NALF1: variants seen among roughly 807,000 people sequenced by gnomAD.
The protein encoded by NALF1 is family with sequence similarity 155 member A.
A neutral mutation model predicts 48.4 loss-of-function variants in NALF1; 3 were observed. The observed-to-expected ratio is 0.06, with a 90% CI of 0.03 to 0.16. The LOEUF (loss-of-function observed/expected upper bound fraction) is 0.16. Ranked by LOEUF, NALF1 falls within the 10% of genes least tolerant of loss-of-function variation. The probability of loss-of-function intolerance (pLI) is 1.00; values close to 1 mark genes in which losing one functional copy is unlikely to be tolerated. For synonymous variants in NALF1, 262 were observed against 245.7 expected, an observed-to-expected ratio of 1.07 and a Z score of -0.62; for missense variants, 526 against 571.5, an observed-to-expected ratio of 0.92 and a Z score of 0.81.
chr13:107,666,885 C>T (rs964906334), intron 1 of NALF1, among the ~76,000 whole-genome samples: 16 of 152,078 alleles, frequency 1.1e-4, no homozygotes, highest in Admixed American at 3.3e-4. Flanking sequence ...TCTTTTCAAA[C>T]TGATGTCTTA....
chr13:107,694,528 G>A (rs543911312), intron 1 of NALF1, among the ~76,000 whole-genome samples: 1 of 151,720 alleles, frequency 6.6e-6, no homozygotes, highest in East Asian at 1.9e-4. Context: ...GTGGAGATCT[G>A]CATATAACAG....
Position 107,192,843 on chromosome 13 carries a change from T to TA in NALF1, c.1087+17740dup, listed in dbSNP as rs1262121651. On this transcript the variant is annotated intron_variant, in intron 2 of 2. Transcript: ENST00000375915. The stretch of plus-strand genomic sequence containing the variant: ...AACTTTTTGAATTTTTGGCAATAAA[T>TA]ATCAAAAGGCTTAAGCTTTTGCATA... 2.6e-5 allele frequency among the ~76,000 whole-genome samples: 4 copies of TA among 152,176 alleles called. No individual in the cohort carries two copies. The East Asian group carries it at 7.7e-4, about 29-fold the overall frequency.
At position 107,276,693 on chromosome 13, in the gene NALF1, C is replaced by A. The variant is rs139201637; in HGVS notation, c.916-65938G>T. On this transcript the variant is annotated intron_variant, in intron 1 of 2. Transcript: ENST00000375915. ...ATAGAATATAACAAAAAATTAAACT[C>A]TTTAGAGGAAATAGTTGCAGACTTC... is the stretch of plus-strand genomic sequence containing the variant. Among the ~76,000 whole-genome samples the A allele has an allele frequency of 6.8e-4, 104 of 152,140 alleles. No homozygotes were observed. The East Asian group carries it at 0.018, about 26-fold the overall frequency.
intron 1 of NALF1, among the ~76,000 whole-genome samples, chr13:107,849,640 T>C (rs940648217): frequency 6.6e-6 from 1 of 152,188 alleles, no homozygotes; most frequent in Non-Finnish European, 1.5e-5. Context: ...GTAAACAGCA[T>C]GAAAACTGCA....
intron 1 of NALF1, among the ~76,000 whole-genome samples, chr13:107,813,415 T>C (rs1377439367): frequency 2.0e-5 from 3 of 152,194 alleles, no homozygotes; most frequent in African/African-American, 2.4e-5. Context: ...TAATTCCTCC[T>C]GTAACATTAA....
At chr13:107,814,229 T>C (rs1448792193) in intron 1 of NALF1, among the ~76,000 whole-genome samples, 1 of 152,158 alleles carries the variant, frequency 6.6e-6, no homozygotes, top group African/African-American at 2.4e-5. Flanking sequence ...TGCCATGATA[T>C]TGTCAACTCT....
intron 1 of NALF1, among the ~76,000 whole-genome samples, chr13:107,760,912 G>A (rs1477255771): frequency 6.6e-6 from 1 of 152,184 alleles, no homozygotes; most frequent in Non-Finnish European, 1.5e-5. Context: ...GAGAAGAAAG[G>A]AGCTAATAGT....
Position 107,416,092 on chromosome 13 carries a change from C to T in NALF1, c.916-205337G>A, listed in dbSNP as rs1188908552. Among the ~76,000 whole-genome samples the T allele has an allele frequency of 7.2e-5, 11 of 151,966 alleles. 1 individual carries two copies. The East Asian group carries it at 1.2e-3, about 16-fold the overall frequency. The stretch of plus-strand genomic sequence containing the variant: ...TGCAATCTCTGCTCACTGCAAGCTC[C>T]GCCTCCTGGGTTCACACCATTCTCC... On this transcript the variant is annotated intron_variant, in intron 1 of 2. Transcript: ENST00000375915.
intron 1 of NALF1, among the ~76,000 whole-genome samples, chr13:107,679,530 A>C (rs936856080): frequency 6.6e-6 from 1 of 152,238 alleles, no homozygotes; most frequent in African/African-American, 2.4e-5. Context: ...TAAAGATTAT[A>C]AAATGTAACT....
chr13:107,758,676 G>C (rs1877185012), intron 1 of NALF1, among the ~76,000 whole-genome samples: 2 of 152,080 alleles, frequency 1.3e-5, no homozygotes, highest in Admixed American at 6.5e-5. Flanking sequence ...AGCCGAGATA[G>C]CGCCACTGCA....
At position 107,718,839 on chromosome 13, in the gene NALF1, C is replaced by T. The variant is rs560830218; in HGVS notation, c.915+146843G>A. 7.2e-5 allele frequency among the ~76,000 whole-genome samples: 11 copies of T among 152,294 alleles called. No homozygotes were observed. The East Asian group carries it at 1.4e-3, about 19-fold the overall frequency. ...AAATAACATTAAAAATTCATTTCCT[C>T]GGTCACCTTAGCCACATTTCAAGCA... On this transcript the variant is annotated intron_variant, in intron 1 of 2. Transcript: ENST00000375915.
intron 1 of NALF1, among the ~76,000 whole-genome samples, chr13:107,441,008 C>A (rs2139026042): frequency 6.6e-6 from 1 of 152,260 alleles, no homozygotes; most frequent in South Asian, 2.1e-4. Flanking sequence ...GATCTCTCTC[C>A]AACCTCCAAA....
chr13:107,606,365 T>TTATA (rs780660921), intron 1 of NALF1, among the ~76,000 whole-genome samples: 2 of 150,364 alleles, frequency 1.3e-5, no homozygotes, highest in African/African-American at 4.9e-5. Context: ...TCTTATTTAT[T>TTATA]TATATATATA....
chr13:107,580,918 C>T (rs1878289147), intron 1 of NALF1, among the ~76,000 whole-genome samples: 1 of 152,058 alleles, frequency 6.6e-6, no homozygotes, highest in Admixed American at 6.6e-5. Flanking sequence ...GTCACCTTAA[C>T]AATGGGAGAA....
chr13:107,352,474 G>T (rs1345738705), intron 1 of NALF1, among the ~76,000 whole-genome samples: 4 of 152,156 alleles, frequency 2.6e-5, no homozygotes, highest in African/African-American at 9.7e-5. Flanking sequence ...CACAGTTCTG[G>T]AGGCTGAAGT....
chr13:107,632,012 A>C (rs2138449360), intron 1 of NALF1, among the ~76,000 whole-genome samples: 1 of 152,300 alleles, frequency 6.6e-6, no homozygotes, highest in African/African-American at 2.4e-5. Flanking sequence ...CACATGTCAT[A>C]GTCTACAAAG....
rs534687071 is a variant in NALF1, at chr13:107,655,544, T to C, written c.915+210138A>G. 7.9e-5 allele frequency among the ~76,000 whole-genome samples: 12 copies of C among 152,238 alleles called. No individual in the cohort carries two copies. In the South Asian group the frequency reaches 1.9e-3, roughly 24 times the overall value. On this transcript the variant is annotated intron_variant, in intron 1 of 2. Coordinates refer to ENST00000375915, the MANE Select transcript of NALF1 (RefSeq NM_001080396.3). ...CAAATGGAAACACATCCCATGCTCA[T>C]GGATGGCTAGAAATTAATATTGTGA...
At chr13:107,614,891 C>T (rs1879337896) in intron 1 of NALF1, among the ~76,000 whole-genome samples, 1 of 152,010 alleles carries the variant, frequency 6.6e-6, no homozygotes, top group Non-Finnish European at 1.5e-5. Context: ...ATTCTCCTGC[C>T]TCAGCTTCCT....
At chr13:107,566,986 C>G (rs1435602012) in intron 1 of NALF1, among the ~76,000 whole-genome samples, 2 of 151,888 alleles carry the variant, frequency 1.3e-5, no homozygotes, top group African/African-American at 4.8e-5. Flanking sequence ...TTTTATTTTT[C>G]CTATATTTTT....
Sources: allele counts gnomAD v4.1 joint callset (sites outside exome capture counted in the v4.1 genomes callset), GRCh38; gene constraint gnomAD v4.1.1; transcripts MANE v1.5; gene names NCBI Gene and HGNC (gene_info 2026-07-23, HGNC 2026-07-21).